CSMD1: variants seen among roughly 807,000 people sequenced by gnomAD.
CSMD1 encodes the protein CUB and Sushi multiple domains 1.
Under a neutral mutation model 417.5 loss-of-function variants are expected in CSMD1, and 213 were observed. That is an observed-to-expected ratio of 0.51 (90% CI 0.46 to 0.57). The LOEUF is 0.57. Ranked by LOEUF, CSMD1 falls within the 20% of genes least tolerant of loss-of-function variation. The pLI is 0.00. For synonymous variants in CSMD1, 2,862 were observed against 1,736.8 expected, an observed-to-expected ratio of 1.65 and a Z score of -16.11; for missense variants, 6,923 against 4,529.7, an observed-to-expected ratio of 1.53 and a Z score of -15.17.
At chr8:3,293,542 C>G (rs1044470867) in intron 25 of CSMD1, among the ~76,000 whole-genome samples, 2 of 151,998 alleles carry the variant, frequency 1.3e-5, no homozygotes, top group African/African-American at 2.4e-5. Flanking sequence ...TTCTTTTTTT[C>G]TCTAAACTTC....
chr8:3,944,443 C>A (rs909713621), intron 5 of CSMD1, among the ~76,000 whole-genome samples: 1 of 152,018 alleles, frequency 6.6e-6, no homozygotes, highest in African/African-American at 2.4e-5. Context: ...ATAAAATAAG[C>A]CTTTCTAGTT....
chr8:3,138,231 C>T (rs951871500), intron 41 of CSMD1, among the ~76,000 whole-genome samples: 1 of 152,040 alleles, frequency 6.6e-6, no homozygotes, highest in Non-Finnish European at 1.5e-5. Context: ...CTCTCGAAAA[C>T]AAAAAACCAT....
chr8:3,038,579 G>A (rs1321942465), intron 50 of CSMD1, among the ~76,000 whole-genome samples: 3 of 151,888 alleles, frequency 2.0e-5, no homozygotes, highest in African/African-American at 4.8e-5. Context: ...ATGTTATAAG[G>A]TTTCACATGT....
chr8:3,421,891 G>T (rs558571000), intron 12 of CSMD1, among the ~76,000 whole-genome samples: 3 of 146,682 alleles, frequency 2.0e-5, no homozygotes, highest in African/African-American at 5.5e-5. Flanking sequence ...ACCCACCTTG[G>T]CCGCCCAAAG....
chr8:3,653,881 C>T (rs1022945869), intron 7 of CSMD1, among the ~76,000 whole-genome samples: 6 of 152,092 alleles, frequency 3.9e-5, no homozygotes, highest in Admixed American at 3.9e-4. Flanking sequence ...CTGTCTTAAT[C>T]CTGACAGCAT....
At chr8:4,396,664 T>TAC (rs1393520991) in intron 3 of CSMD1, among the ~76,000 whole-genome samples, 1 of 151,042 alleles carries the variant, frequency 6.6e-6, no homozygotes, top group Non-Finnish European at 1.5e-5. Flanking sequence ...TATCTCCCCA[T>TAC]ACACACACAC....
At chr8:3,846,175 T>A (rs1450332496) in intron 5 of CSMD1, among the ~76,000 whole-genome samples, 1 of 152,164 alleles carries the variant, frequency 6.6e-6, no homozygotes, top group East Asian at 1.9e-4. Context: ...GGTACATAAG[T>A]GTATGTGCTA....
chr8:3,635,348 C>G (rs1263400406), intron 7 of CSMD1, among the ~76,000 whole-genome samples: 1 of 152,044 alleles, frequency 6.6e-6, no homozygotes. Context: ...GTGGTGCACA[C>G]CTGTAATCCC....
chr8:4,237,072 C>T (rs997258715), intron 3 of CSMD1, among the ~76,000 whole-genome samples: 5 of 152,160 alleles, frequency 3.3e-5, no homozygotes, highest in South Asian at 2.1e-4. Flanking sequence ...CTTATGATTA[C>T]GCCTACAATT....
intron 25 of CSMD1, among the ~76,000 whole-genome samples, chr8:3,304,473 A>G (rs1804658892): frequency 6.6e-6 from 1 of 152,148 alleles, no homozygotes; most frequent in Non-Finnish European, 1.5e-5. Flanking sequence ...TATGTTATTC[A>G]TGAAGAGTGG....
intron 3 of CSMD1, among the ~76,000 whole-genome samples, chr8:4,381,785 G>A (rs1387575244): frequency 6.6e-6 from 1 of 152,018 alleles, no homozygotes; most frequent in East Asian, 1.9e-4. Flanking sequence ...CCTTTTTCTA[G>A]TTGACCTTTT....
intron 5 of CSMD1, among the ~76,000 whole-genome samples, chr8:3,815,995 T>C (rs1320047523): frequency 6.6e-6 from 1 of 152,172 alleles, no homozygotes; most frequent in Non-Finnish European, 1.5e-5. Flanking sequence ...CATTACAACA[T>C]CAAACTTAAA....
intron 3 of CSMD1, among the ~76,000 whole-genome samples, chr8:4,229,861 T>C (rs539984290): frequency 6.6e-6 from 1 of 152,342 alleles, no homozygotes; most frequent in African/African-American, 2.4e-5. Context: ...TTGGTCTGTG[T>C]TCTGCCCCAG....
chr8:3,332,895 T>C (rs1563281540), intron 23 of CSMD1, among the ~76,000 whole-genome samples: 2 of 152,138 alleles, frequency 1.3e-5, no homozygotes, highest in Non-Finnish European at 1.5e-5. Flanking sequence ...ATGGCAAGTG[T>C]GAGAGCACCA....
At chr8:4,135,941 C>G (rs1273649643) in intron 3 of CSMD1, among the ~76,000 whole-genome samples, 1 of 152,000 alleles carries the variant, frequency 6.6e-6, no homozygotes, top group African/African-American at 2.4e-5. Context: ...ATTGGGCTTT[C>G]TAAACTATTG....
intron 3 of CSMD1, among the ~76,000 whole-genome samples, chr8:4,212,468 C>T (rs1326103592): frequency 1.3e-5 from 2 of 151,954 alleles, no homozygotes; most frequent in African/African-American, 4.8e-5. Flanking sequence ...TAACATTTGT[C>T]CTTTCAGACT....
intron 50 of CSMD1, among the ~76,000 whole-genome samples, chr8:3,032,456 T>C (rs1810403082): frequency 6.6e-6 from 1 of 151,998 alleles, no homozygotes; most frequent in African/African-American, 2.4e-5. Flanking sequence ...GGGCCCTGAT[T>C]TGCTGTGGTC....
At chr8:4,020,068 G>A (rs1017218700) in intron 4 of CSMD1, among the ~76,000 whole-genome samples, 5 of 152,180 alleles carry the variant, frequency 3.3e-5, no homozygotes, top group Non-Finnish European at 7.3e-5. Context: ...AGAGGAGATA[G>A]AGACAGTAAT....
intron 5 of CSMD1, among the ~76,000 whole-genome samples, chr8:3,989,691 G>C (rs532895749): frequency 7.4e-4 from 113 of 152,306 alleles, no homozygotes; most frequent in African/African-American, 2.7e-3. Flanking sequence ...ATACTCTAAA[G>C]AGATTCGAAT....
Sources: gnomAD v4.1 joint callset for allele counts (sites outside exome capture counted in the v4.1 genomes callset) on GRCh38, gnomAD v4.1.1 for gene constraint, MANE v1.5 for transcripts, NCBI Gene and HGNC (gene_info 2026-07-23, HGNC 2026-07-21) for gene names.